Variants in PCBP2 observed in about 807,000 individuals in gnomAD.
PCBP2 encodes the protein poly(rC) binding protein 2.
Under a neutral mutation model 50.1 loss-of-function variants are expected in PCBP2, and 4 were observed. That is an observed-to-expected ratio of 0.08 (90% CI 0.04 to 0.18). The LOEUF (loss-of-function observed/expected upper bound fraction) is 0.18, where lower values mean the gene tolerates loss of function less well. Among genes scored for constraint, PCBP2 ranks in the 10% least tolerant of loss-of-function variants. The probability of loss-of-function intolerance (pLI) is 1.00; values close to 1 mark genes in which losing one functional copy is unlikely to be tolerated. For synonymous variants in PCBP2, 179 were observed against 168.0 expected (o/e 1.07, Z -0.51); for missense variants, 161 against 474.3 (o/e 0.34, Z 6.14).
At chr12:53,468,858 T>A in intron 13 of PCBP2, 26 bp downstream of exon 13, 2 of 1,551,344 alleles carry the variant, frequency 1.3e-6, no homozygotes, top group South Asian at 1.1e-5. Flanking sequence ...TTGCATGGGA[T>A]GAAAATAAGA....
chr12:53,481,102 G>T lies in PCBP2; in HGVS notation c.*1660G>T. On this transcript the variant is annotated 3_prime_UTR_variant, in exon 15 of 15. Coordinates refer to ENST00000546463, the MANE Select transcript of PCBP2 (RefSeq NM_031989.5). ...ACAGCCCCATCTTTCTGTTGATTATGTGGCGCATATATATATATATATGTA... is the reference window on the plus strand; with the variant it reads ...ACAGCCCCATCTTTCTGTTGATTATTTGGCGCATATATATATATATATGTA... 2 of 603,076 alleles carry T rather than the reference G, an allele frequency of 3.3e-6. No homozygotes were observed. The highest frequency in any genetic ancestry group is 6.3e-5 in the East Asian group (1 of 15,768). 37.4% of individuals were successfully genotyped at this position (603,076 alleles called of 1,614,324 possible). A position where few individuals can be genotyped will look rare whatever the true frequency, so the allele number is the denominator to read the frequency against.
intron 14 of PCBP2, among the ~76,000 whole-genome samples, chr12:53,476,781 C>CA (rs1942611507): frequency 2.6e-5 from 4 of 152,288 alleles, no homozygotes; most frequent in Admixed American, 2.6e-4. Flanking sequence ...ATTAGATGGC[C>CA]AAACCTGTCC....
At chr12:53,477,003 T>C (rs1198669675) in intron 14 of PCBP2, among the ~76,000 whole-genome samples, 3 of 152,146 alleles carry the variant, frequency 2.0e-5, no homozygotes, top group Non-Finnish European at 2.9e-5. Flanking sequence ...CTACCATCAC[T>C]ACCTCCAAAG....
Position 53,468,832 on chromosome 12 carries a change from T to C in PCBP2, c.882T>C (p.Asp294=). The C allele has an allele frequency of 6.2e-7, 1 of 1,609,728 alleles. No homozygotes were observed. Among genetic ancestry groups the C allele is most frequent in the South Asian group, 1.1e-5 (1 of 90,986 alleles). The part of the protein sequence containing the change: ...TTSHELTIPN[D]LIGCIIGRQG... ...CTCATGAACTCACCATTCCAAACGA[T>C]GTAAGTGTAGTTAGGTTGCATGGGA... The change falls in exon 13 of 15, where the codon GAT becomes GAC. Residue 294 remains aspartate, a splice_region_variant and synonymous_variant. Coordinates refer to ENST00000546463, the MANE Select transcript of PCBP2 (RefSeq NM_031989.5).
chr12:53,454,986 A>G (rs551716952), intron 2 of PCBP2, 117 bp downstream of exon 2: 2 of 849,318 alleles, frequency 2.4e-6, no homozygotes, highest in Admixed American at 3.9e-5. Flanking sequence ...GCTTTAGCAC[A>G]TTTCCCTAAT....
At chr12:53,475,964 C>G (rs923254054) in intron 14 of PCBP2, 1 of 152,180 alleles carries the variant, frequency 6.6e-6, no homozygotes, top group Non-Finnish European at 1.5e-5. Context: ...AGGATCTCTT[C>G]CAAGTCATAC....
chr12:53,463,056 C>A (rs1941563929), intron 8 of PCBP2, among the ~76,000 whole-genome samples: 1 of 152,158 alleles, frequency 6.6e-6, no homozygotes, highest in South Asian at 2.1e-4. Flanking sequence ...TGTGTTGTCC[C>A]CTAGGCTCTT....
chr12:53,462,441 A>G (rs2137052912), intron 7 of PCBP2, 52 bp from the exon 8 acceptor site: 1 of 1,472,800 alleles, frequency 6.8e-7, no homozygotes, highest in Non-Finnish European at 9.4e-7. Context: ...CAGCTGAAGC[A>G]GCTTTGAAAC....
intron 3 of PCBP2, 44 bp downstream of exon 3, chr12:53,455,414 T>G: frequency 6.2e-7 from 1 of 1,613,654 alleles, no homozygotes; most frequent in South Asian, 1.1e-5. Flanking sequence ...TTAGTAATTC[T>G]GGATTGAAGT....
chr12:53,468,688 A>T, intron 12 of PCBP2, 89 bp from the exon 13 acceptor site: 1 of 994,822 alleles, frequency 1.0e-6, no homozygotes, highest in Non-Finnish European at 1.6e-6. Context: ...CTGGGTTTCC[A>T]GTTTATTTCC....
chr12:53,464,562 CA>C (rs1941690094), intron 8 of PCBP2, 197 bp from the exon 9 acceptor site: 2 of 618,576 alleles, frequency 3.2e-6, no homozygotes, highest in Non-Finnish European at 5.3e-6. Context: ...GAAAATAGCC[CA>C]ATTGTGCAGT....
intron 8 of PCBP2, 194 bp from the exon 9 acceptor site, chr12:53,464,566 T>G (rs1035519101): frequency 1.6e-6 from 1 of 637,994 alleles, no homozygotes; most frequent in Non-Finnish European, 2.6e-6. Flanking sequence ...ATAGCCCAAT[T>G]GTGCAGTGTG....
At chr12:53,476,945 C>G (rs892655854) in intron 14 of PCBP2, among the ~76,000 whole-genome samples, 4 of 152,186 alleles carry the variant, frequency 2.6e-5, no homozygotes, top group African/African-American at 9.7e-5. Context: ...GGCCTCTTAA[C>G]CTAATGGCTA....
At chr12:53,471,283 T>G (rs909297211) in intron 13 of PCBP2, among the ~76,000 whole-genome samples, 1 of 151,804 alleles carries the variant, frequency 6.6e-6, no homozygotes, top group Non-Finnish European at 1.5e-5. Flanking sequence ...TCGGTTTTTT[T>G]TTTTTTTTTT....
chr12:53,461,131 G>C lies in PCBP2; in HGVS notation c.492G>C (p.Val164=), dbSNP rs778517693. ...SIIECVKQIC[V]VMLESPPKGV... Reference sequence around the variant, plus strand: ...TTGAGTGTGTCAAACAGATCTGCGTGGTCATGTTGGAGGTAAGCCCTCAGG... The same window carrying C: ...TTGAGTGTGTCAAACAGATCTGCGTCGTCATGTTGGAGGTAAGCCCTCAGG... The change falls in exon 7 of 15, where the codon GTG becomes GTC. Residue 164 remains valine, a synonymous_variant. Transcript: ENST00000546463. 6.2e-7 allele frequency: 1 copy of C among 1,613,934 alleles called. No individual in the cohort carries two copies. The highest frequency in any genetic ancestry group is 2.2e-5 in the East Asian group (1 of 44,872).
At position 53,475,549 on chromosome 12, in the gene PCBP2, CTTTT is replaced by C. The variant is rs67600882; in HGVS notation, c.1052+3755_1052+3758del. The stretch of plus-strand genomic sequence containing the variant: ...TAATGAATAAAAGCTGCTTCGTTAA[CTTTT>C]TTTTTTTTTTTTAAGAATTATTTAA... On this transcript the variant is annotated intron_variant, in intron 14 of 14. Coordinates refer to ENST00000546463, the MANE Select transcript of PCBP2 (RefSeq NM_031989.5). 1.6e-4 allele frequency: 23 copies of C among 146,596 alleles called. No homozygotes were observed. The East Asian group carries it at 4.6e-3, about 29-fold the overall frequency. 9.1% of individuals were successfully genotyped at this position (146,596 alleles called of 1,614,324 possible). A position where few individuals can be genotyped will look rare whatever the true frequency, so the allele number is the denominator to read the frequency against.
At chr12:53,466,564 T>C (rs1231412393) in intron 10 of PCBP2, among the ~76,000 whole-genome samples, 1 of 152,222 alleles carries the variant, frequency 6.6e-6, no homozygotes, top group Non-Finnish European at 1.5e-5. Context: ...TTATCCTTAC[T>C]AACCTTTTCA....
chr12:53,454,644 A>G (rs1940853383), intron 1 of PCBP2, 82 bp from the exon 2 acceptor site: 2 of 640,572 alleles, frequency 3.1e-6, no homozygotes, highest in African/African-American at 1.8e-5. Flanking sequence ...TAAAGTAGAA[A>G]ATATTGATAA....
At chr12:53,465,595 G>C (rs923226069) in intron 9 of PCBP2, among the ~76,000 whole-genome samples, 2 of 152,192 alleles carry the variant, frequency 1.3e-5, no homozygotes, top group African/African-American at 2.4e-5. Context: ...AGGCTATCTT[G>C]TATACAGGGA....
Sources: gnomAD v4.1 joint callset for allele counts (sites outside exome capture counted in the v4.1 genomes callset) on GRCh38, gnomAD v4.1.1 for gene constraint, MANE v1.5 for transcripts, NCBI Gene and HGNC (gene_info 2026-07-23, HGNC 2026-07-21) for gene names.